PDGFD: variants seen among roughly 807,000 people sequenced by gnomAD.
PDGFD encodes the protein platelet-derived growth factor D.
PDGFD carries 30 observed loss-of-function variants against 44.7 expected under a neutral mutation model. The ratio of observed to expected loss-of-function variants is 0.67; its 90% CI spans 0.50 to 0.91. The LOEUF (loss-of-function observed/expected upper bound fraction) is 0.91, where lower values mean the gene tolerates loss of function less well. Among genes scored for constraint, PDGFD ranks in the 40% least tolerant of loss-of-function variants. PDGFD has a pLI of 0.00. For missense variants in PDGFD, 445 were observed against 457.8 expected (o/e 0.97, Z 0.25); for synonymous variants, 173 against 168.4 (o/e 1.03, Z -0.21).
intron 6 of PDGFD, among the ~76,000 whole-genome samples, chr11:103,923,150 C>T (rs1260036357): frequency 6.6e-6 from 1 of 151,902 alleles, no homozygotes; most frequent in Non-Finnish European, 1.5e-5. Flanking sequence ...GTTATAGTGG[C>T]CTCAGCCATG....
intron 1 of PDGFD, among the ~76,000 whole-genome samples, chr11:104,137,728 CT>C (rs5794295): frequency 0.25 from 18,833 of 76,192 alleles, 1,676 homozygotes; most frequent in East Asian, 0.36. Flanking sequence ...TAGATCACCA[CT>C]TTTTTTTTTT....
At chr11:104,070,651 CTT>C (rs1860859904) in intron 1 of PDGFD, among the ~76,000 whole-genome samples, 2 of 152,106 alleles carry the variant, frequency 1.3e-5, no homozygotes, top group African/African-American at 2.4e-5. Context: ...GACAGATACT[CTT>C]TTGCACCTTC....
At chr11:103,952,654 C>G (rs1288952133) in intron 3 of PDGFD, among the ~76,000 whole-genome samples, 1 of 152,088 alleles carries the variant, frequency 6.6e-6, no homozygotes, top group African/African-American at 2.4e-5. Flanking sequence ...ACCCAATTAG[C>G]TATTGTGCAT....
intron 1 of PDGFD, among the ~76,000 whole-genome samples, chr11:104,010,725 C>T (rs901340508): frequency 6.6e-6 from 1 of 151,848 alleles, no homozygotes; most frequent in African/African-American, 2.4e-5. Flanking sequence ...CTCTTTTCTT[C>T]TATGGTAGTC....
intron 1 of PDGFD, among the ~76,000 whole-genome samples, chr11:104,101,050 G>T (rs1285609574): frequency 6.6e-6 from 1 of 152,140 alleles, no homozygotes. Context: ...ACAAGACAGG[G>T]ATGCCCTCTC....
chr11:103,927,460 T>G (rs975088606), intron 5 of PDGFD, among the ~76,000 whole-genome samples: 5 of 152,192 alleles, frequency 3.3e-5, no homozygotes, highest in African/African-American at 1.2e-4. Context: ...AATAATTGCC[T>G]TTATCTTCAA....
chr11:104,090,021 G>A (rs571002963), intron 1 of PDGFD, among the ~76,000 whole-genome samples: 52 of 152,048 alleles, frequency 3.4e-4, no homozygotes, highest in Non-Finnish European at 7.2e-4. Context: ...CAACAATTAG[G>A]AGCTATTGTC....
intron 1 of PDGFD, among the ~76,000 whole-genome samples, chr11:104,064,264 A>G (rs771089969): frequency 4.6e-5 from 7 of 152,202 alleles, no homozygotes; most frequent in Non-Finnish European, 8.8e-5. Flanking sequence ...TTATCTATTA[A>G]ATCACCCCAT....
Position 104,034,704 on chromosome 11 carries a change from G to A in PDGFD, c.125-34449C>T, listed in dbSNP as rs551941474. 4.0e-5 allele frequency among the ~76,000 whole-genome samples: 6 copies of A among 151,222 alleles called. No individual in the cohort carries two copies. In the East Asian group the frequency reaches 5.9e-4, roughly 15 times the overall value. ...GTCACCCAGGCTGGAGTGCACTGGC[G>A]CAATCTCGGCTTACTGCAAGCTCCA... On this transcript the variant is annotated intron_variant, in intron 1 of 6. Transcript: ENST00000393158.
chr11:104,109,343 T>C (rs552597926), intron 1 of PDGFD, among the ~76,000 whole-genome samples: 2 of 152,264 alleles, frequency 1.3e-5, no homozygotes, highest in South Asian at 4.1e-4. Flanking sequence ...AGCCTCAGTC[T>C]CTTCATCCAT....
chr11:104,103,314 GT>G (rs1383635829), intron 1 of PDGFD, among the ~76,000 whole-genome samples: 1 of 151,686 alleles, frequency 6.6e-6, no homozygotes, highest in Non-Finnish European at 1.5e-5. Flanking sequence ...TCTCTTGTAT[GT>G]TTTTTCCTCA....
chr11:103,925,325 T>G (rs1381842356), intron 6 of PDGFD, among the ~76,000 whole-genome samples: 1 of 152,182 alleles, frequency 6.6e-6, no homozygotes, highest in East Asian at 1.9e-4. Context: ...TACCCAGTAA[T>G]GGGATTGCTG....
Position 103,927,037 on chromosome 11 carries a change from C to T in PDGFD, c.862G>A (p.Ala288Thr). 2 of 1,614,182 alleles carry T rather than the reference C, an allele frequency of 1.2e-6. No individual in the cohort carries two copies. Among genetic ancestry groups the T allele is most frequent in the Non-Finnish European group, 1.7e-6 (2 of 1,180,018 alleles). ...SVNIREELKL[A>T]NVVFFPRCLL... ...CAACGTGGAAAGAAGACCACATTGG[C>T]CAACTTCAGCTCTTCTCTTATATTG... The change falls in exon 6 of 7, where the codon GCC (alanine) becomes ACC (threonine). Residue 288 changes from alanine to threonine, a missense_variant. Coordinates refer to ENST00000393158, the MANE Select transcript of PDGFD (RefSeq NM_025208.5).
intron 6 of PDGFD, among the ~76,000 whole-genome samples, chr11:103,919,827 C>T (rs1439723775): frequency 6.7e-6 from 1 of 150,308 alleles, no homozygotes; most frequent in African/African-American, 2.5e-5. Flanking sequence ...ACTTCTAAAC[C>T]AGGCTGTTTT....
In PDGFD at chr11:103,996,217, A is replaced by T. The variant is rs1318825262; in HGVS notation, c.358T>A (p.Ser120Thr). 1 of 1,611,870 alleles carries T rather than the reference A, an allele frequency of 6.2e-7. No individual in the cohort carries two copies. The highest frequency in any genetic ancestry group is 8.5e-7 in the Non-Finnish European group (1 of 1,179,086). ...CCTCTAATAATGGTACTGGTTTCGG[A>T]TATATCTTCAACTTCCACAAAATCA... ...RYDFVEVEDISETSTIIRGRW... is the reference protein window; with the variant it reads ...RYDFVEVEDITETSTIIRGRW... The change falls in exon 3 of 7, where the codon TCC (serine) becomes ACC (threonine). Residue 120 changes from serine (S) to threonine (T), a missense_variant. Ser to Thr is a moderately conservative substitution (Grantham distance 58, BLOSUM62 1). Coordinates refer to ENST00000393158, the MANE Select transcript of PDGFD (RefSeq NM_025208.5).
intron 1 of PDGFD, chr11:104,038,054 G>A: frequency 6.4e-7 from 1 of 1,551,564 alleles, no homozygotes; most frequent in Non-Finnish European, 8.7e-7. Context: ...GGAGCCTCAG[G>A]TCCCCGGCAA....
chr11:104,011,252 A>G (rs1859782197), intron 1 of PDGFD, among the ~76,000 whole-genome samples: 1 of 152,100 alleles, frequency 6.6e-6, no homozygotes, highest in African/African-American at 2.4e-5. Context: ...CTTCTGACTA[A>G]AGGGCTCACA....
At chr11:103,950,154 G>C (rs1858729226) in intron 3 of PDGFD, among the ~76,000 whole-genome samples, 1 of 152,004 alleles carries the variant, frequency 6.6e-6, no homozygotes, top group Admixed American at 6.6e-5. Flanking sequence ...CAAAGTAAAG[G>C]GTTATGTTGA....
At chr11:104,052,232 C>T (rs972860548) in intron 1 of PDGFD, among the ~76,000 whole-genome samples, 2 of 152,128 alleles carry the variant, frequency 1.3e-5, no homozygotes, top group African/African-American at 4.8e-5. Context: ...TGCTTTTAAA[C>T]TGCAATGTTA....
Sources: gnomAD v4.1 joint callset for allele counts (sites outside exome capture counted in the v4.1 genomes callset) on GRCh38, gnomAD v4.1.1 for gene constraint, MANE v1.5 for transcripts, NCBI Gene and HGNC (gene_info 2026-07-23, HGNC 2026-07-21) for gene names.